The following SLC8A1 variants were observed in gnomAD, a reference collection of about 807,000 sequenced individuals.
SLC8A1 encodes the protein sodium/calcium exchanger 1.
A neutral mutation model predicts 68.3 loss-of-function variants in SLC8A1; 18 were observed. That is an observed-to-expected ratio of 0.26 (90% CI 0.18 to 0.39). SLC8A1 has a LOEUF of 0.39. Among genes scored for constraint, SLC8A1 ranks in the 10% least tolerant of loss-of-function variants. SLC8A1 has a pLI of 1.00. For missense variants in SLC8A1, 985 were observed against 1,156.7 expected (o/e 0.85, Z 2.15); for synonymous variants, 475 against 415.5 (o/e 1.14, Z -1.74).
intron 2 of SLC8A1, among the ~76,000 whole-genome samples, chr2:40,394,731 G>A (rs1686388784): frequency 6.6e-6 from 1 of 151,794 alleles, no homozygotes; most frequent in African/African-American, 2.4e-5. Context: ...TTAGCACAAC[G>A]TGTTTTTTCC....
intron 7 of SLC8A1, among the ~76,000 whole-genome samples, chr2:40,132,229 A>G (rs891941978): frequency 9.9e-5 from 15 of 152,196 alleles, no homozygotes; most frequent in African/African-American, 3.6e-4. Flanking sequence ...TAGAGTAGCT[A>G]AGTACCAGAT....
chr2:40,251,517 A>T (rs1445499586), intron 2 of SLC8A1: 1 of 152,248 alleles, frequency 6.6e-6, no homozygotes, highest in African/African-American at 2.4e-5. Flanking sequence ...ACCAGGGCTC[A>T]CATCTTAGTA....
intron 2 of SLC8A1, among the ~76,000 whole-genome samples, chr2:40,207,740 G>T (rs566520200): frequency 1.3e-5 from 2 of 152,214 alleles, no homozygotes; most frequent in South Asian, 4.1e-4. Context: ...GGAATATTTG[G>T]TTTAACGGTG....
At chr2:40,164,801 G>T in intron 5 of SLC8A1, 53 bp downstream of exon 8, 1 of 1,605,490 alleles carries the variant, frequency 6.2e-7, no homozygotes, top group Non-Finnish European at 8.5e-7. Flanking sequence ...CCTATGAACA[G>T]TTTCTGTCCC....
At chr2:40,410,214 T>C (rs1407724595) in intron 2 of SLC8A1, among the ~76,000 whole-genome samples, 1 of 152,000 alleles carries the variant, frequency 6.6e-6, no homozygotes, top group African/African-American at 2.4e-5. Flanking sequence ...CCGAGGGCAA[T>C]GAAAGGATGT....
rs906119699 is a variant in SLC8A1, at chr2:40,187,363, C to G, written c.1809-9508G>C. ...GACAAGAGTTGCTAAAGTAGCTAAA[C>G]CAAAGTAATTCTCCAGGAGGCCTTG... On this transcript the variant is annotated intron_variant, in intron 2 of 7. Transcript: ENST00000406785. Among the ~76,000 whole-genome samples the G allele has an allele frequency of 5.3e-4, 80 of 152,268 alleles. 1 individual carries two copies. Among genetic ancestry groups the G allele is most frequent in the African/African-American group, 1.8e-3 (74 of 41,562 alleles).
chr2:40,289,513 T>C (rs1158226304), intron 2 of SLC8A1, among the ~76,000 whole-genome samples: 2 of 152,026 alleles, frequency 1.3e-5, no homozygotes, highest in Non-Finnish European at 2.9e-5. Context: ...TCCCATTAAA[T>C]ATATATTGGT....
At chr2:40,391,077 A>G (rs1258035526) in intron 2 of SLC8A1, among the ~76,000 whole-genome samples, 3 of 151,702 alleles carry the variant, frequency 2.0e-5, no homozygotes, top group African/African-American at 7.3e-5. Context: ...TCTAACTTGA[A>G]AAATATTGCT....
chr2:40,473,075 G>A (rs1310427997), intron 1 of SLC8A1, among the ~76,000 whole-genome samples: 1 of 151,834 alleles, frequency 6.6e-6, no homozygotes, highest in Non-Finnish European at 1.5e-5. Context: ...GGGGGCGGGA[G>A]GGTTGCAATT....
At chr2:40,223,841 C>T (rs995451695) in intron 2 of SLC8A1, 1 of 151,804 alleles carries the variant, frequency 6.6e-6, no homozygotes, top group Admixed American at 6.6e-5. Flanking sequence ...TTTCCCGAAT[C>T]TGTTGGATTG....
chr2:40,205,994 T>C lies in SLC8A1; in HGVS notation c.1809-28139A>G, dbSNP rs1428577. Among the ~76,000 whole-genome samples, 152 of 152,070 alleles carry C rather than the reference T, an allele frequency of 1.0e-3. 1 individual carries two copies. The highest frequency in any genetic ancestry group is 3.4e-3 in the African/African-American group (141 of 41,514). ...TGATTTGGTGACACAAAAATTCTCA[T>C]TGGGGCATGAAAATAAAATATATTT... On this transcript the variant is annotated intron_variant, in intron 2 of 7. Transcript: ENST00000406785.
rs1412223829 is a variant in SLC8A1, at chr2:40,361,886, C to T, written c.1808+66587G>A. Among the ~76,000 whole-genome samples, 26 of 80,930 alleles carry T rather than the reference C, an allele frequency of 3.2e-4. No homozygotes were observed. The South Asian group carries it at 8.2e-3, about 26-fold the overall frequency. The allele number at this position is 80,930 out of a possible 152,430, so 53.1% of individuals were successfully genotyped here. A position where few individuals can be genotyped will look rare whatever the true frequency, so the allele number is the denominator to read the frequency against. On this transcript the variant is annotated intron_variant, in intron 2 of 7. Coordinates refer to ENST00000406785, the Ensembl canonical transcript of SLC8A1. ...AGTCAGATGTTTATATCTTTTCTTT[C>T]CTTTTTTTTTTTTTTTTTTTTTTTT...
intron 7 of SLC8A1, among the ~76,000 whole-genome samples, chr2:40,129,171 C>T (rs2038797080): frequency 6.6e-6 from 1 of 151,658 alleles, no homozygotes; most frequent in Non-Finnish European, 1.5e-5. Flanking sequence ...TTAAAAGATG[C>T]AGACTGAGAC....
At chr2:40,503,566 T>C (rs1037569439) in intron 1 of SLC8A1, among the ~76,000 whole-genome samples, 1 of 151,914 alleles carries the variant, frequency 6.6e-6, no homozygotes, top group African/African-American at 2.4e-5. Flanking sequence ...ACCAAAAGAC[T>C]CCACATGAAA....
At chr2:40,476,494 T>C (rs1356804152) in intron 1 of SLC8A1, among the ~76,000 whole-genome samples, 1 of 152,178 alleles carries the variant, frequency 6.6e-6, no homozygotes, top group East Asian at 1.9e-4. Flanking sequence ...GGAAATAGAA[T>C]GACTGAGAGG....
chr2:40,234,766 T>C (rs1245084261), intron 2 of SLC8A1, among the ~76,000 whole-genome samples: 4 of 152,136 alleles, frequency 2.6e-5, no homozygotes, highest in East Asian at 1.9e-4. Flanking sequence ...TATTTTGAAA[T>C]ACGTCCCATC....
intron 1 of SLC8A1, among the ~76,000 whole-genome samples, chr2:40,461,536 C>T (rs1006183420): frequency 1.3e-5 from 2 of 152,142 alleles, no homozygotes; most frequent in Admixed American, 6.6e-5. Flanking sequence ...CCACTCCGCG[C>T]CCCTGCACAA....
Position 40,182,947 on chromosome 2 carries a change from A to G in SLC8A1, c.1809-5092T>C, listed in dbSNP as rs571008508. Among the ~76,000 whole-genome samples the G allele has an allele frequency of 5.9e-5, 9 of 152,340 alleles. No homozygotes were observed. The East Asian group carries it at 9.6e-4, about 16-fold the overall frequency. On this transcript the variant is annotated intron_variant, in intron 2 of 7. Coordinates refer to ENST00000406785, the Ensembl canonical transcript of SLC8A1. Reference sequence around the variant, plus strand: ...AAGAGAAGAGACTCCTCCATTTTAGATCCTTACACAAAAGATTTTAGTGAG... The same window carrying G: ...AAGAGAAGAGACTCCTCCATTTTAGGTCCTTACACAAAAGATTTTAGTGAG...
intron 1 of SLC8A1, among the ~76,000 whole-genome samples, chr2:40,483,059 C>T (rs1230628391): frequency 1.3e-5 from 2 of 151,402 alleles, no homozygotes; most frequent in Admixed American, 1.3e-4. Context: ...CCGCCTCGGG[C>T]TCCCAAAGGG....
Sources: allele counts gnomAD v4.1 joint callset (sites outside exome capture counted in the v4.1 genomes callset), GRCh38; gene constraint gnomAD v4.1.1; transcripts MANE v1.5; gene names NCBI Gene and HGNC (gene_info 2026-07-23, HGNC 2026-07-21).